PSD2: variants seen among roughly 807,000 people sequenced by gnomAD.
PSD2 encodes pleckstrin and Sec7 domain containing 2.
PSD2 carries 38 observed loss-of-function variants against 69.8 expected under a neutral mutation model. The ratio of observed to expected loss-of-function variants is 0.54; its 90% confidence interval spans 0.42 to 0.71. The LOEUF (loss-of-function observed/expected upper bound fraction) is 0.71, where lower values mean the gene tolerates loss of function less well. PSD2 is among the 30% of genes least tolerant of loss of function. The probability of loss-of-function intolerance (pLI) is 0.00; values close to 1 mark genes in which losing one functional copy is unlikely to be tolerated. For synonymous variants in PSD2, 412 were observed against 423.0 expected, an observed-to-expected ratio of 0.97 and a Z score of 0.32; for missense variants, 943 against 1,014.5, an observed-to-expected ratio of 0.93 and a Z score of 0.96.
At position 139,813,702 on chromosome 5, in the gene PSD2, AG is replaced by A; in HGVS notation, c.772del (p.Asp258MetfsTer13). The A allele has an allele frequency of 4.3e-6, 7 of 1,613,072 alleles. No homozygotes were observed. The highest frequency in any genetic ancestry group is 2.2e-5 in the East Asian group (1 of 44,862). ...TCCATGAAGATGGCCCTCAGGGCCC[AG>A]GGGGGGATGAGGATGATGATGAGGA... ...GFHEDGPQGP[G>X]GDEDDDEEDT... On this transcript the variant is annotated frameshift_variant, in exon 3 of 15. Coordinates refer to ENST00000274710, the MANE Select transcript of PSD2 (RefSeq NM_032289.4). LOFTEE classifies it high-confidence loss of function.
the PSD2 span, among the ~76,000 whole-genome samples, chr5:139,772,011 A>G: frequency 2.6e-5 from 4 of 152,086 alleles, no homozygotes; most frequent in African/African-American, 9.7e-5. Flanking sequence ...AGGGAGAGGT[A>G]GTGGGTTCTC....
chr5:139,788,183 C>CG, the PSD2 span, among the ~76,000 whole-genome samples: 1 of 151,756 alleles, frequency 6.6e-6, no homozygotes, highest in Non-Finnish European at 1.5e-5. Context: ...CCCCGCGCCC[C>CG]CCCCCGAACC....
At chr5:139,761,285 T>A in the PSD2 span, among the ~76,000 whole-genome samples, 1 of 152,200 alleles carries the variant, frequency 6.6e-6, no homozygotes, top group Admixed American at 6.5e-5. Context: ...ACTTGCTCAA[T>A]GTCACTATGC....
intron 1 of PSD2, among the ~76,000 whole-genome samples, chr5:139,796,567 A>C (rs768801042): frequency 6.6e-6 from 1 of 152,202 alleles, no homozygotes; most frequent in African/African-American, 2.4e-5. Context: ...GAGGAGGCAC[A>C]TAATGGCCGA....
intron 12 of PSD2, among the ~76,000 whole-genome samples, chr5:139,838,035 A>G (rs1331377952): frequency 6.6e-6 from 1 of 152,218 alleles, no homozygotes; most frequent in Admixed American, 6.5e-5. Flanking sequence ...TGTGTTTAAC[A>G]AGCCCTGCAG....
chr5:139,757,103 G>A, the PSD2 span, among the ~76,000 whole-genome samples: 2 of 152,236 alleles, frequency 1.3e-5, no homozygotes, highest in African/African-American at 4.8e-5. Context: ...TAGATTGCAT[G>A]AAGCGGATTC....
chr5:139,773,100 A>C, the PSD2 span: 1 of 152,254 alleles, frequency 6.6e-6, no homozygotes, highest in East Asian at 1.9e-4. Context: ...GTGACATTAA[A>C]TACATTCACA....
the PSD2 span, among the ~76,000 whole-genome samples, chr5:139,752,611 A>G: frequency 2.0e-5 from 3 of 152,304 alleles, no homozygotes; most frequent in East Asian, 5.8e-4. Flanking sequence ...GTCCACAGGC[A>G]TGTATACTCT....
chr5:139,830,627 T>C (rs1249063597), intron 7 of PSD2, among the ~76,000 whole-genome samples: 1 of 7,942 alleles, frequency 1.3e-4, no homozygotes, highest in Non-Finnish European at 2.2e-4. Flanking sequence ...TCTTTCTTTC[T>C]CTTTCTTTCT....
At chr5:139,804,215 G>C (rs989059171) in intron 1 of PSD2, among the ~76,000 whole-genome samples, 1 of 152,166 alleles carries the variant, frequency 6.6e-6, no homozygotes, top group Non-Finnish European at 1.5e-5. Flanking sequence ...GGTGATCTAG[G>C]GAATCTTGGG....
intron 7 of PSD2, among the ~76,000 whole-genome samples, chr5:139,829,317 A>G (rs1192538224): frequency 1.3e-5 from 2 of 152,200 alleles, no homozygotes; most frequent in South Asian, 2.1e-4. Flanking sequence ...AAAATCATGT[A>G]TATTCTTAGT....
At chr5:139,763,134 C>G in the PSD2 span, among the ~76,000 whole-genome samples, 1 of 151,902 alleles carries the variant, frequency 6.6e-6, no homozygotes, top group Non-Finnish European at 1.5e-5. Context: ...CTGGGCGGGC[C>G]CAGGGAGGAA....
the PSD2 span, among the ~76,000 whole-genome samples, chr5:139,771,434 A>G: frequency 1.3e-5 from 2 of 151,910 alleles, no homozygotes; most frequent in Non-Finnish European, 2.9e-5. Flanking sequence ...GCTGGAGTGC[A>G]GTGGCACAAT....
intron 1 of PSD2, among the ~76,000 whole-genome samples, chr5:139,801,756 C>A (rs779136473): frequency 6.6e-6 from 1 of 152,246 alleles, no homozygotes; most frequent in Non-Finnish European, 1.5e-5. Context: ...GTCTGTCAGA[C>A]AACCCCCCTC....
chr5:139,785,907 A>C, the PSD2 span, among the ~76,000 whole-genome samples: 1 of 152,202 alleles, frequency 6.6e-6, no homozygotes, highest in Non-Finnish European at 1.5e-5. Context: ...TGGGCAATGC[A>C]GGGAGACCTT....
chr5:139,768,918 TGTGAACTCATGC>T, the PSD2 span, among the ~76,000 whole-genome samples: 1 of 152,158 alleles, frequency 6.6e-6, no homozygotes. Context: ...TCCCACAGCC[TGTGAACTCATGC>T]GTTCAGTCAA....
chr5:139,794,909 C>A (rs1033063289), upstream of PSD2, among the ~76,000 whole-genome samples: 1 of 152,166 alleles, frequency 6.6e-6, no homozygotes, highest in Admixed American at 6.5e-5. Flanking sequence ...GCCAGTCAAC[C>A]CTCTTCTTCA....
intron 1 of PSD2, among the ~76,000 whole-genome samples, chr5:139,806,942 T>C (rs1348401162): frequency 1.3e-5 from 2 of 152,088 alleles, no homozygotes; most frequent in Non-Finnish European, 2.9e-5. Context: ...CAGTGCCTGG[T>C]GTTGGCAGGC....
At chr5:139,832,266 A>G (rs1760615113) in intron 7 of PSD2, among the ~76,000 whole-genome samples, 1 of 152,228 alleles carries the variant, frequency 6.6e-6, no homozygotes, top group Non-Finnish European at 1.5e-5. Flanking sequence ...CTGTATTGCA[A>G]ATGTACACAC....
Sources: gnomAD v4.1 joint callset for allele counts (sites outside exome capture counted in the v4.1 genomes callset) on GRCh38, gnomAD v4.1.1 for gene constraint, MANE v1.5 for transcripts, NCBI Gene and HGNC (gene_info 2026-07-23, HGNC 2026-07-21) for gene names.